MED12L: variants seen among roughly 807,000 people sequenced by gnomAD.
MED12L encodes the protein mediator of RNA polymerase II transcription subunit 12-like protein.
A neutral mutation model predicts 281.3 loss-of-function variants in MED12L; 60 were observed. The observed-to-expected ratio is 0.21, with a 90% confidence interval of 0.17 to 0.26. The LOEUF is 0.26. Ranked by LOEUF, MED12L falls within the 10% of genes least tolerant of loss-of-function variation. MED12L has a pLI of 1.00. For missense variants in MED12L, 2,146 were observed against 2,680.9 expected (o/e 0.80, Z 4.41); for synonymous variants, 974 against 987.2 (o/e 0.99, Z 0.25).
chr3:151,291,431 AT>A (rs1250344708), intron 16 of MED12L, among the ~76,000 whole-genome samples: 3 of 152,118 alleles, frequency 2.0e-5, no homozygotes, highest in African/African-American at 7.2e-5. Context: ...ACATTGAAAG[AT>A]TTTCTACAAG....
At chr3:151,245,845 C>A (rs1260114444) in intron 16 of MED12L, among the ~76,000 whole-genome samples, 1 of 150,872 alleles carries the variant, frequency 6.6e-6, no homozygotes, top group African/African-American at 2.4e-5. Flanking sequence ...TGTTTGCAGA[C>A]GACATGATTG....
intron 16 of MED12L, among the ~76,000 whole-genome samples, chr3:151,206,532 G>T (rs1726382267): frequency 6.7e-6 from 1 of 150,150 alleles, no homozygotes; most frequent in Admixed American, 6.6e-5. Context: ...TTATAATAAA[G>T]AACTTTTAAA....
At chr3:151,266,837 C>A (rs1438182245) in intron 16 of MED12L, among the ~76,000 whole-genome samples, 1 of 152,194 alleles carries the variant, frequency 6.6e-6, no homozygotes, top group Non-Finnish European at 1.5e-5. Flanking sequence ...GGAAAACTTC[C>A]TTCTCCTGGG....
At chr3:151,232,036 C>G (rs1442544437) in intron 16 of MED12L, among the ~76,000 whole-genome samples, 1 of 152,064 alleles carries the variant, frequency 6.6e-6, no homozygotes, top group African/African-American at 2.4e-5. Flanking sequence ...AGGGAAGGGT[C>G]CTGTGCTCCG....
intron 43 of MED12L, among the ~76,000 whole-genome samples, chr3:151,418,452 A>G (rs1717873269): frequency 2.0e-5 from 3 of 152,166 alleles, no homozygotes; most frequent in African/African-American, 7.2e-5. Flanking sequence ...GACCAACTCC[A>G]AAGCTGCCTT....
chr3:151,329,484 TG>T, intron 16 of MED12L: 1 of 1,543,290 alleles, frequency 6.5e-7, no homozygotes, highest in Non-Finnish European at 8.8e-7. Flanking sequence ...AATTCACCTT[TG>T]GGAGGATACT....
intron 42 of MED12L, among the ~76,000 whole-genome samples, chr3:151,415,222 T>TGCAGAAAGGGACACAAAGGAGC (rs1717406490): frequency 1.3e-5 from 2 of 152,234 alleles, no homozygotes; most frequent in African/African-American, 4.8e-5. Context: ...CTTCTGGTAA[T>TGCAGAAAGGGACACAAAGGAGC]TTTTTCATCA....
intron 11 of MED12L, among the ~76,000 whole-genome samples, chr3:151,172,860 A>G (rs1356916873): frequency 6.6e-6 from 1 of 152,206 alleles, no homozygotes; most frequent in African/African-American, 2.4e-5. Context: ...CACATTTCCT[A>G]CTGGACACCC....
At chr3:151,354,522 G>A (rs939941592) in intron 17 of MED12L, among the ~76,000 whole-genome samples, 1 of 152,144 alleles carries the variant, frequency 6.6e-6, no homozygotes, top group African/African-American at 2.4e-5. Flanking sequence ...CAAAGAAGAT[G>A]CCAAGCAAGT....
chr3:151,312,684 A>G (rs577513046), intron 16 of MED12L, among the ~76,000 whole-genome samples: 1 of 152,308 alleles, frequency 6.6e-6, no homozygotes, highest in Admixed American at 6.5e-5. Context: ...CAACAACAGT[A>G]AAAGAGCTCC....
intron 5 of MED12L, among the ~76,000 whole-genome samples, chr3:151,151,031 C>CTTTTTTTTTTTTTTTTTGTT (rs1718409077): frequency 3.0e-5 from 1 of 32,880 alleles, no homozygotes; most frequent in Non-Finnish European, 5.4e-5. Flanking sequence ...GCTGAAGTAG[C>CTTTTTTTTTTTTTTTTTGTT]TTTTTTTTTT....
At chr3:151,328,848 C>A (rs759831858) in intron 16 of MED12L, 1 of 1,613,834 alleles carries the variant, frequency 6.2e-7, no homozygotes, top group African/African-American at 1.3e-5. Flanking sequence ...GGGATGTGAA[C>A]AAACACCCAC....
rs63033360 is a variant in MED12L at position 151,354,140 on chromosome 3, CAAAAAAAAAAAAA to C, written c.2399-969_2399-957del. On this transcript the variant is annotated intron_variant, in intron 17 of 44. Coordinates refer to ENST00000687756, the MANE Select transcript of MED12L (RefSeq NM_001393769.1). The stretch of plus-strand genomic sequence containing the variant: ...TGGGCGACAGAGCGAGACTCCGTCT[CAAAAAAAAAAAAA>C]AAAAAAAAAAAGAATCACAGTGCTA... Among the ~76,000 whole-genome samples the C allele has an allele frequency of 2.5e-4, 16 of 62,844 alleles. No homozygotes were observed. In the East Asian group the frequency reaches 2.9e-3, roughly 11 times the overall value. The allele number at this position is 62,844 out of a possible 152,430, so 41.2% of individuals were successfully genotyped here.
At chr3:151,260,056 A>T (rs1216603625) in intron 16 of MED12L, among the ~76,000 whole-genome samples, 1 of 152,168 alleles carries the variant, frequency 6.6e-6, no homozygotes, top group Non-Finnish European at 1.5e-5. Flanking sequence ...CAACCACAGC[A>T]TTCAGCTCAC....
At chr3:151,155,623 G>A (rs928638841) in intron 5 of MED12L, among the ~76,000 whole-genome samples, 1 of 152,200 alleles carries the variant, frequency 6.6e-6, no homozygotes, top group Admixed American at 6.5e-5. Flanking sequence ...GTGAATGAAT[G>A]TCTGTCCTCT....
At chr3:151,229,390 C>T (rs1731165955) in intron 16 of MED12L, among the ~76,000 whole-genome samples, 1 of 149,410 alleles carries the variant, frequency 6.7e-6, no homozygotes. Flanking sequence ...TCACTGCAAC[C>T]TCGCCTCCCG....
At chr3:151,119,348 A>C (rs139232112) in intron 3 of MED12L, among the ~76,000 whole-genome samples, 5 of 152,166 alleles carry the variant, frequency 3.3e-5, no homozygotes, top group Non-Finnish European at 7.3e-5. Flanking sequence ...TTTTCTCACT[A>C]TCTGAAGGCT....
At chr3:151,184,671 G>C (rs921531467) in intron 11 of MED12L, among the ~76,000 whole-genome samples, 3 of 152,172 alleles carry the variant, frequency 2.0e-5, no homozygotes, top group African/African-American at 7.2e-5. Flanking sequence ...CATGACAACT[G>C]TGGCTGACAG....
intron 34 of MED12L, 68 bp from the exon 35 acceptor site, chr3:151,384,015 A>G (rs1427504509): frequency 2.0e-6 from 3 of 1,534,010 alleles, no homozygotes; most frequent in Non-Finnish European, 2.7e-6. Flanking sequence ...GCCTTGAATA[A>G]AAATACTCAG....
Sources: gnomAD v4.1 joint callset for allele counts (sites outside exome capture counted in the v4.1 genomes callset) on GRCh38, gnomAD v4.1.1 for gene constraint, MANE v1.5 for transcripts, NCBI Gene and HGNC (gene_info 2026-07-23, HGNC 2026-07-21) for gene names.